U2SURP: variants seen among roughly 807,000 people sequenced by gnomAD.
U2SURP encodes the protein U2 snRNP associated SURP domain containing, also known as U2 snRNP-associated SURP motif-containing protein.
U2SURP carries 9 observed loss-of-function variants against 144.9 expected under a neutral mutation model. The observed-to-expected ratio is 0.06, with a 90% CI of 0.04 to 0.11. U2SURP has a LOEUF of 0.11. Among genes scored for constraint, U2SURP ranks in the 10% least tolerant of loss-of-function variants. The pLI is 1.00. For missense variants in U2SURP, 724 were observed against 1,226.7 expected (o/e 0.59, Z 6.12); for synonymous variants, 408 against 396.8 (o/e 1.03, Z -0.33).
At chr3:143,054,580 C>G (rs1299179753) in intron 26 of U2SURP, among the ~76,000 whole-genome samples, 1 of 152,186 alleles carries the variant, frequency 6.6e-6, no homozygotes, top group African/African-American at 2.4e-5. Flanking sequence ...CCTCTTCTGT[C>G]CCACCTCCAA....
intron 19 of U2SURP, 127 bp from the exon 20 acceptor site, chr3:143,035,855 C>T: frequency 1.9e-5 from 18 of 972,876 alleles, no homozygotes; most frequent in South Asian, 1.1e-4. Flanking sequence ...TAGTTATTTT[C>T]TTTAAAGTTT....
chr3:143,037,380 G>A, intron 21 of U2SURP, 45 bp downstream of exon 21: 1 of 1,572,058 alleles, frequency 6.4e-7, no homozygotes, highest in Middle Eastern at 1.7e-4. Context: ...AATACATTTG[G>A]TGACCAAAAC....
At chr3:143,004,573 A>ACCCC (rs753834748) in intron 1 of U2SURP, among the ~76,000 whole-genome samples, 50 of 48,550 alleles carry the variant, frequency 1.0e-3, no homozygotes, top group African/African-American at 3.7e-3. Flanking sequence ...TGACCTTGTG[A>ACCCC]CCCCCCCCCC....
At chr3:143,020,535 C>T (rs1234860119) in intron 7 of U2SURP, 64 bp from the exon 8 acceptor site, 3 of 1,046,624 alleles carry the variant, frequency 2.9e-6, no homozygotes, top group African/African-American at 1.6e-5. Flanking sequence ...TTGATAAGCG[C>T]TATTCTGAAA....
intron 24 of U2SURP, among the ~76,000 whole-genome samples, chr3:143,043,723 A>G (rs923068495): frequency 3.5e-4 from 53 of 150,216 alleles, no homozygotes; most frequent in African/African-American, 1.1e-3. Flanking sequence ...ATATGTATAT[A>G]TATATATATA....
chr3:143,043,328 C>G, intron 24 of U2SURP, 52 bp downstream of exon 24: 1 of 1,525,834 alleles, frequency 6.6e-7, no homozygotes, highest in East Asian at 2.4e-5. Context: ...TTCACTTTCT[C>G]CACCAAACTA....
At chr3:143,019,920 G>T in intron 6 of U2SURP, 49 bp from the exon 7 acceptor site, 1 of 1,061,754 alleles carries the variant, frequency 9.4e-7, no homozygotes, top group Non-Finnish European at 1.3e-6. Flanking sequence ...TGAATCATTG[G>T]TTTTGCTTAT....
intron 25 of U2SURP, 76 bp downstream of exon 25, chr3:143,051,125 A>G (rs776017822): frequency 2.4e-6 from 2 of 827,740 alleles, no homozygotes; most frequent in South Asian, 1.8e-5. Flanking sequence ...TGGTATACCT[A>G]AAGATGATTT....
At chr3:143,043,359 C>G (rs1393578276) in intron 24 of U2SURP, 83 bp downstream of exon 24, 2 of 1,385,958 alleles carry the variant, frequency 1.4e-6, no homozygotes, top group African/African-American at 2.9e-5. Context: ...TTGCATTGTA[C>G]CGTAGTACAT....
In U2SURP at chr3:143,059,782, TG is replaced by T. The variant is rs1935301780; in HGVS notation, c.*3333del. Reference sequence around the variant, plus strand: ...TGAAAAGCCTAATTACAGAAAATTGTGCAGATACTAGTGAAGATACTAGTAT... The same window carrying T: ...TGAAAAGCCTAATTACAGAAAATTGTCAGATACTAGTGAAGATACTAGTAT... On this transcript the variant is annotated 3_prime_UTR_variant, in exon 28 of 28. Transcript: ENST00000473835. 2.0e-5 allele frequency: 3 copies of T among 152,090 alleles called. No homozygotes were observed. The highest frequency in any genetic ancestry group is 2.9e-5 in the Non-Finnish European group (2 of 67,852). 9.4% of individuals were successfully genotyped at this position (152,090 alleles called of 1,614,324 possible).
At chr3:143,036,508 T>C (rs1933817854) in intron 20 of U2SURP, among the ~76,000 whole-genome samples, 1 of 152,194 alleles carries the variant, frequency 6.6e-6, no homozygotes, top group Non-Finnish European at 1.5e-5. Flanking sequence ...TTTTTTTCTT[T>C]TTTACCTCCT....
At position 143,060,639 on chromosome 3, in the gene U2SURP, A is replaced by ATC. The variant is rs1935332036; in HGVS notation, c.*4189_*4190insTC. 6.6e-6 allele frequency: 1 copy of ATC among 152,048 alleles called. No individual in the cohort carries two copies. Among genetic ancestry groups the ATC allele is most frequent in the South Asian group, 2.1e-4 (1 of 4,832 alleles). The allele number at this position is 152,048 out of a possible 1,614,324, so 9.4% of individuals were successfully genotyped here. On this transcript the variant is annotated 3_prime_UTR_variant, in exon 28 of 28. Transcript: ENST00000473835. ...TTAGCAGCTTTCTCTCAAGTGAAAT[A>ATC]AGTGATGTGACATGTTTATCAGTTA...
At chr3:143,011,004 CT>C (rs78844477) in intron 2 of U2SURP, 145 bp downstream of exon 2, 51,787 of 413,452 alleles carry the variant, frequency 0.13, no homozygotes, top group East Asian at 0.17. Flanking sequence ...AGGCGCCTTC[CT>C]TTTTTTTTTT....
At chr3:143,039,823 C>G (rs957893322) in intron 23 of U2SURP, among the ~76,000 whole-genome samples, 2 of 151,798 alleles carry the variant, frequency 1.3e-5, no homozygotes, top group African/African-American at 2.4e-5. Context: ...GCTATAGAAA[C>G]ACAGTTTGAT....
chr3:143,009,459 A>G (rs560362292), intron 1 of U2SURP, among the ~76,000 whole-genome samples: 2 of 152,120 alleles, frequency 1.3e-5, no homozygotes, highest in South Asian at 2.1e-4. Context: ...TTAGCCAGGC[A>G]TGGTGGTGCG....
intron 18 of U2SURP, among the ~76,000 whole-genome samples, chr3:143,033,818 T>A (rs983775494): frequency 3.3e-5 from 5 of 152,160 alleles, no homozygotes; most frequent in African/African-American, 9.7e-5. Flanking sequence ...TAGAATTTTT[T>A]AAAAAATTGG....
Position 143,051,014 on chromosome 3 carries a change from C to T in U2SURP, c.2620C>T (p.Gln874Ter), listed in dbSNP as rs1934827246. ...AAAACCAGGCCAGAGTTTTCAGGAG[C>T]AAGTAGAACACTACAGAGATAAACT... ...PKKPGQSFQE[Q>*]VEHYRDKLLQ... Residue 874 changes from glutamine (Q) to a stop codon, truncating the protein, a stop_gained, in exon 25 of 28, where the codon CAA (glutamine) becomes TAA (stop). Coordinates refer to ENST00000473835, the MANE Select transcript of U2SURP (RefSeq NM_001080415.2). LOFTEE classifies it high-confidence loss of function. The T allele has an allele frequency of 6.2e-7, 1 of 1,612,324 alleles. No homozygotes were observed. Among genetic ancestry groups the T allele is most frequent in the Non-Finnish European group, 8.5e-7 (1 of 1,179,096 alleles).
At chr3:143,047,856 G>T (rs373951404) in intron 24 of U2SURP, among the ~76,000 whole-genome samples, 13 of 87,768 alleles carry the variant, frequency 1.5e-4, no homozygotes, top group African/African-American at 3.8e-4. Context: ...CCTCCCGGAC[G>T]GGGCGGCTGG....
chr3:143,002,890 T>G (rs1578100858), intron 1 of U2SURP, among the ~76,000 whole-genome samples: 1 of 150,852 alleles, frequency 6.6e-6, no homozygotes, highest in Non-Finnish European at 1.5e-5. Context: ...ATTGTGTCAG[T>G]TTTTTTTCCC....
Sources: gnomAD v4.1 joint callset for allele counts (sites outside exome capture counted in the v4.1 genomes callset) on GRCh38, gnomAD v4.1.1 for gene constraint, MANE v1.5 for transcripts, NCBI Gene and HGNC (gene_info 2026-07-23, HGNC 2026-07-21) for gene names.